CTNNA3: variants seen among roughly 807,000 people sequenced by gnomAD.
The protein encoded by CTNNA3 is catenin alpha-3.
A neutral mutation model predicts 95.7 loss-of-function variants in CTNNA3; 76 were observed. That is an observed-to-expected ratio of 0.79 (90% CI 0.66 to 0.96). CTNNA3 has a LOEUF of 0.96. Among genes scored for constraint, CTNNA3 ranks in the 40% least tolerant of loss-of-function variants. CTNNA3 has a pLI of 0.00. For synonymous variants in CTNNA3, 431 were observed against 374.4 expected, an observed-to-expected ratio of 1.15 and a Z score of -1.74; for missense variants, 1,191 against 1,089.8, an observed-to-expected ratio of 1.09 and a Z score of -1.31.
At chr10:66,554,737 G>A (rs778914417) in intron 10 of CTNNA3, among the ~76,000 whole-genome samples, 4 of 152,028 alleles carry the variant, frequency 2.6e-5, no homozygotes, top group Non-Finnish European at 4.4e-5. Context: ...ATAAATTACA[G>A]TTTCCATATT....
At chr10:66,122,413 C>A (rs537947015) in intron 13 of CTNNA3, among the ~76,000 whole-genome samples, 2 of 152,068 alleles carry the variant, frequency 1.3e-5, no homozygotes, top group Admixed American at 1.3e-4. Flanking sequence ...GAAAATGAAG[C>A]AAAAGAAACA....
chr10:66,978,552 A>AAAAAAAAATATAT, intron 7 of CTNNA3, among the ~76,000 whole-genome samples: 2 of 37,882 alleles, frequency 5.3e-5, no homozygotes, highest in East Asian at 1.7e-3. Flanking sequence ...AAAAAAAAAA[A>AAAAAAAAATATAT]ATATATATAT....
At chr10:66,202,890 G>T (rs982964014) in intron 13 of CTNNA3, among the ~76,000 whole-genome samples, 1 of 152,132 alleles carries the variant, frequency 6.6e-6, no homozygotes, top group Non-Finnish European at 1.5e-5. Context: ...TGTACTAAAT[G>T]TATATTAGTT....
intron 17 of CTNNA3, among the ~76,000 whole-genome samples, chr10:65,936,488 T>C (rs2077340865): frequency 6.6e-6 from 1 of 152,118 alleles, no homozygotes; most frequent in Non-Finnish European, 1.5e-5. Context: ...ACATTATTTG[T>C]TGGACAGTGT....
intron 7 of CTNNA3, among the ~76,000 whole-genome samples, chr10:66,791,878 T>A (rs893683795): frequency 1.3e-5 from 2 of 152,246 alleles, no homozygotes; most frequent in African/African-American, 4.8e-5. Context: ...CGTTGGGTTA[T>A]ATACTATACT....
At chr10:67,426,120 A>G (rs1176687753) in intron 5 of CTNNA3, among the ~76,000 whole-genome samples, 1 of 152,110 alleles carries the variant, frequency 6.6e-6, no homozygotes, top group Non-Finnish European at 1.5e-5. Context: ...AATGGGTAGA[A>G]AAAACATAGA....
intron 17 of CTNNA3, among the ~76,000 whole-genome samples, chr10:65,924,760 T>TAA (rs1554815557): frequency 6.6e-6 from 1 of 151,894 alleles, no homozygotes; most frequent in African/African-American, 2.4e-5. Flanking sequence ...GGGTAATTTA[T>TAA]AAAGGAAAGA....
At chr10:66,206,579 A>G (rs571487150) in intron 13 of CTNNA3, among the ~76,000 whole-genome samples, 1 of 152,058 alleles carries the variant, frequency 6.6e-6, no homozygotes, top group Non-Finnish European at 1.5e-5. Flanking sequence ...AAGGGAATGA[A>G]ATTCATGAAA....
intron 12 of CTNNA3, among the ~76,000 whole-genome samples, chr10:66,297,153 C>T (rs2091792644): frequency 6.6e-6 from 1 of 151,954 alleles, no homozygotes; most frequent in South Asian, 2.1e-4. Flanking sequence ...AGAAGAATGG[C>T]AGTAGATGTG....
At chr10:66,210,970 T>A (rs2088116125) in intron 13 of CTNNA3, among the ~76,000 whole-genome samples, 1 of 152,196 alleles carries the variant, frequency 6.6e-6, no homozygotes, top group South Asian at 2.1e-4. Flanking sequence ...ACACTTCCCA[T>A]AAACAGAGAG....
chr10:66,496,227 T>C (rs1589333531), intron 11 of CTNNA3, among the ~76,000 whole-genome samples: 3 of 152,262 alleles, frequency 2.0e-5, no homozygotes, highest in Admixed American at 2.0e-4. Flanking sequence ...TGAAAATCAT[T>C]CTAATACCAA....
intron 9 of CTNNA3, among the ~76,000 whole-genome samples, chr10:66,691,635 C>T (rs897183306): frequency 2.0e-5 from 3 of 152,204 alleles, no homozygotes; most frequent in Admixed American, 6.5e-5. Flanking sequence ...AGCTGGAGAT[C>T]TGAGAATGGG....
intron 15 of CTNNA3, among the ~76,000 whole-genome samples, chr10:66,027,464 T>A (rs1461003610): frequency 6.6e-6 from 1 of 152,150 alleles, no homozygotes; most frequent in East Asian, 1.9e-4. Context: ...TGTGCTCCCA[T>A]GAAATAAGGT....
At chr10:66,976,846 G>A (rs146945384) in intron 7 of CTNNA3, among the ~76,000 whole-genome samples, 3 of 152,154 alleles carry the variant, frequency 2.0e-5, no homozygotes, top group East Asian at 1.9e-4. Context: ...AGATACCCAC[G>A]TTTTTGTTTT....
chr10:66,320,270 C>A (rs554642027), intron 12 of CTNNA3, among the ~76,000 whole-genome samples: 1 of 152,158 alleles, frequency 6.6e-6, no homozygotes, highest in African/African-American at 2.4e-5. Context: ...TAGTTGTGAT[C>A]TTTGGCTTTG....
chr10:67,581,527 T>G (rs1589451201), intron 3 of CTNNA3, among the ~76,000 whole-genome samples: 1 of 152,266 alleles, frequency 6.6e-6, no homozygotes, highest in East Asian at 1.9e-4. Context: ...TCTCTTTGTT[T>G]GTTGTGTCTC....
intron 1 of CTNNA3, among the ~76,000 whole-genome samples, chr10:67,675,621 CACATTCCGACAGGCAAAACAAGTCA>C (rs1203986657): frequency 1.3e-5 from 2 of 152,218 alleles, no homozygotes; most frequent in African/African-American, 4.8e-5. Context: ...CTTTTCTGCC[CACATTCCGACAGGCAAAACAAGTCA>C]TATGGCCAAG....
intron 12 of CTNNA3, among the ~76,000 whole-genome samples, chr10:66,362,096 A>ATTTTT (rs569047811): frequency 6.1e-5 from 5 of 81,772 alleles, no homozygotes; most frequent in Non-Finnish European, 9.7e-5. Context: ...TTCATACACA[A>ATTTTT]TTTTTTTTTT....
At chr10:67,542,635 G>T (rs977374690) in intron 3 of CTNNA3, among the ~76,000 whole-genome samples, 1 of 152,014 alleles carries the variant, frequency 6.6e-6, no homozygotes, top group Non-Finnish European at 1.5e-5. Flanking sequence ...TCAAGTGAAA[G>T]TCAACAAACA....
Sources: allele counts gnomAD v4.1 joint callset (sites outside exome capture counted in the v4.1 genomes callset), GRCh38; gene constraint gnomAD v4.1.1; transcripts MANE v1.5; gene names NCBI Gene and HGNC (gene_info 2026-07-23, HGNC 2026-07-21).